The following ANKS1B variants were observed in gnomAD, a reference collection of about 807,000 sequenced individuals.
The protein encoded by ANKS1B is ankyrin repeat and sterile alpha motif domain-containing protein 1B.
ANKS1B carries 36 observed loss-of-function variants against 148.3 expected under a neutral mutation model. The observed-to-expected ratio is 0.24, with a 90% CI of 0.19 to 0.32. The LOEUF (loss-of-function observed/expected upper bound fraction) is 0.32. Ranked by LOEUF, ANKS1B falls within the 10% of genes least tolerant of loss-of-function variation. ANKS1B has a pLI of 1.00. For synonymous variants in ANKS1B, 542 were observed against 560.8 expected (o/e 0.97, Z 0.47); for missense variants, 1,157 against 1,542.6 (o/e 0.75, Z 4.19).
chr12:99,625,366 A>G (rs1011893901), intron 9 of ANKS1B, among the ~76,000 whole-genome samples: 3 of 152,106 alleles, frequency 2.0e-5, no homozygotes, highest in Non-Finnish European at 4.4e-5. Flanking sequence ...AAATCTGCAC[A>G]TGTACCCCGA....
At position 99,504,769 on chromosome 12, in the gene ANKS1B, G is replaced by C. The variant is rs1303527467; in HGVS notation, c.1273-128C>G. On this transcript the variant is annotated intron_variant, in intron 9 of 26. Coordinates refer to ENST00000683438, the MANE Select transcript of ANKS1B (RefSeq NM_001352186.2). ...GTGATTGACAGCTGATGATTCATCT[G>C]TTTGAATAAATTATAGAATCATGTA... The C allele has an allele frequency of 1.2e-5, 8 of 666,148 alleles. No homozygotes were observed. The African/African-American group carries it at 1.3e-4, about 11-fold the overall frequency. 41.3% of individuals were successfully genotyped at this position (666,148 alleles called of 1,614,324 possible). A position where few individuals can be genotyped will look rare whatever the true frequency, so the allele number is the denominator to read the frequency against.
intron 16 of ANKS1B, chr12:99,080,106 G>A (rs964969430): frequency 6.6e-6 from 1 of 152,226 alleles, no homozygotes; most frequent in Non-Finnish European, 1.5e-5. Context: ...GGTACAGGGC[G>A]ACGGATTTGA....
chr12:99,921,789 A>C (rs2094360349), intron 1 of ANKS1B, among the ~76,000 whole-genome samples: 1 of 152,170 alleles, frequency 6.6e-6, no homozygotes, highest in Non-Finnish European at 1.5e-5. Context: ...AACACACACT[A>C]ATATTTTGCT....
intron 9 of ANKS1B, among the ~76,000 whole-genome samples, chr12:99,590,525 T>C (rs1379065493): frequency 1.3e-5 from 2 of 152,294 alleles, no homozygotes; most frequent in East Asian, 1.9e-4. Context: ...TACAGGATCA[T>C]AAATATTTCA....
chr12:99,476,909 C>T (rs2096333304), intron 10 of ANKS1B, among the ~76,000 whole-genome samples: 1 of 152,108 alleles, frequency 6.6e-6, no homozygotes, highest in African/African-American at 2.4e-5. Context: ...AGACCACTCA[C>T]ATGGTTGTTG....
chr12:99,761,843 A>C (rs1567798928), intron 8 of ANKS1B, among the ~76,000 whole-genome samples: 1 of 152,152 alleles, frequency 6.6e-6, no homozygotes, highest in Non-Finnish European at 1.5e-5. Context: ...TGACTTCAGC[A>C]CATTTTCAGA....
chr12:98,950,133 G>T (rs527803833), intron 17 of ANKS1B, among the ~76,000 whole-genome samples: 1 of 152,364 alleles, frequency 6.6e-6, no homozygotes, highest in Admixed American at 6.5e-5. Flanking sequence ...CGTAGGTCAG[G>T]TTCAAGTAGT....
At chr12:99,914,283 G>C (rs1312794187) in intron 1 of ANKS1B, among the ~76,000 whole-genome samples, 1 of 152,214 alleles carries the variant, frequency 6.6e-6, no homozygotes, top group Non-Finnish European at 1.5e-5. Flanking sequence ...CTAGTGATAA[G>C]TGAGTGGTGA....
chr12:99,041,568 A>AT lies in ANKS1B; in HGVS notation c.2778+11588dup, dbSNP rs954899134. On this transcript the variant is annotated intron_variant, in intron 17 of 26. Transcript: ENST00000683438. ...CCTTGCATGGTACCCTATCCAGGTC[A>AT]TTTTTTTCCCCCCGGTGAGCCCCCA... Among the ~76,000 whole-genome samples, 6 of 151,742 alleles carry AT rather than the reference A, an allele frequency of 4.0e-5. No individual in the cohort carries two copies. In the East Asian group the frequency reaches 5.8e-4, roughly 15 times the overall value.
intron 16 of ANKS1B, among the ~76,000 whole-genome samples, chr12:99,059,173 G>A (rs1164114945): frequency 6.6e-6 from 1 of 152,016 alleles, no homozygotes; most frequent in Non-Finnish European, 1.5e-5. Flanking sequence ...TTCTATTATA[G>A]TATTATTAAA....
intron 16 of ANKS1B, among the ~76,000 whole-genome samples, chr12:99,061,453 A>G (rs886982217): frequency 6.6e-6 from 1 of 152,170 alleles, no homozygotes; most frequent in African/African-American, 2.4e-5. Context: ...AGGATTGGAG[A>G]TTCTGCATTT....
At chr12:98,896,288 A>C (rs2099764492) in intron 17 of ANKS1B, among the ~76,000 whole-genome samples, 1 of 152,262 alleles carries the variant, frequency 6.6e-6, no homozygotes, top group Non-Finnish European at 1.5e-5. Flanking sequence ...GACCAACTGC[A>C]ACATTCAGGC....
At chr12:99,710,421 T>C (rs1176952603) in intron 8 of ANKS1B, among the ~76,000 whole-genome samples, 1 of 152,106 alleles carries the variant, frequency 6.6e-6, no homozygotes, top group African/African-American at 2.4e-5. Context: ...GAGTAACCTA[T>C]AGTTTATGGG....
intron 12 of ANKS1B, among the ~76,000 whole-genome samples, chr12:99,306,096 G>T (rs2082303408): frequency 6.6e-6 from 1 of 152,062 alleles, no homozygotes; most frequent in Non-Finnish European, 1.5e-5. Context: ...GATATGGTGG[G>T]GGCAAGGCAG....
At chr12:99,397,050 C>T (rs2094267919) in intron 12 of ANKS1B, among the ~76,000 whole-genome samples, 7 of 152,108 alleles carry the variant, frequency 4.6e-5, no homozygotes, top group Admixed American at 3.9e-4. Context: ...CAAATCACAT[C>T]TCATCTCTCC....
chr12:98,758,680 GA>G (rs1258490267), intron 25 of ANKS1B, among the ~76,000 whole-genome samples: 1 of 152,138 alleles, frequency 6.6e-6, no homozygotes, highest in African/African-American at 2.4e-5. Context: ...GTCCAATGGG[GA>G]AAAACCTCCT....
At chr12:99,463,183 C>G (rs2096016607) in intron 10 of ANKS1B, among the ~76,000 whole-genome samples, 2 of 152,162 alleles carry the variant, frequency 1.3e-5, no homozygotes, top group Non-Finnish European at 2.9e-5. Context: ...AATGTATAAG[C>G]CTTTTGCCTC....
chr12:98,930,428 C>T (rs566160316), intron 17 of ANKS1B, among the ~76,000 whole-genome samples: 15 of 152,178 alleles, frequency 9.9e-5, no homozygotes, highest in Admixed American at 9.8e-4. Flanking sequence ...AATTCCACTC[C>T]TAGGTATACA....
chr12:99,204,871 G>T (rs779346061), intron 14 of ANKS1B, among the ~76,000 whole-genome samples: 2 of 152,102 alleles, frequency 1.3e-5, no homozygotes, highest in African/African-American at 2.4e-5. Flanking sequence ...TTTAACCCTT[G>T]ATTTTCTTGA....
Sources: allele counts gnomAD v4.1 joint callset (sites outside exome capture counted in the v4.1 genomes callset), GRCh38; gene constraint gnomAD v4.1.1; transcripts MANE v1.5; gene names NCBI Gene and HGNC (gene_info 2026-07-23, HGNC 2026-07-21).